The following NFE2L3 variants were observed in gnomAD, a reference collection of about 807,000 sequenced individuals.
NFE2L3 encodes nuclear factor erythroid 2-related factor 3.
Under a neutral mutation model 23.5 loss-of-function variants are expected in NFE2L3, and 18 were observed. That is an observed-to-expected ratio of 0.77 (90% CI 0.53 to 1.13). The LOEUF is 1.13. Among genes scored for constraint, NFE2L3 ranks in the 50% most tolerant of loss-of-function variants. NFE2L3 has a pLI of 0.00. For synonymous variants in NFE2L3, 424 were observed against 354.5 expected (o/e 1.20, Z -2.20); for missense variants, 1,152 against 877.2 (o/e 1.31, Z -3.96).
intron 1 of NFE2L3, among the ~76,000 whole-genome samples, chr7:26,175,221 G>A (rs914703969): frequency 4.0e-5 from 6 of 150,900 alleles, no homozygotes; most frequent in Admixed American, 6.6e-5. Context: ...ATAGCTGGGC[G>A]TGGTGGCAGG....
At chr7:26,179,158 G>T (rs1157316716) in intron 2 of NFE2L3, among the ~76,000 whole-genome samples, 1 of 143,064 alleles carries the variant, frequency 7.0e-6, no homozygotes, top group Non-Finnish European at 1.5e-5. Context: ...ATAAATTCTA[G>T]ATACTAATGA....
intron 2 of NFE2L3, among the ~76,000 whole-genome samples, chr7:26,179,924 C>T (rs1297851656): frequency 1.3e-5 from 2 of 152,062 alleles, no homozygotes; most frequent in Admixed American, 6.5e-5. Context: ...ACCCCTGGCC[C>T]CACAGCTGGG....
intron 2 of NFE2L3, among the ~76,000 whole-genome samples, chr7:26,182,299 G>T (rs1174982548): frequency 6.8e-6 from 1 of 147,946 alleles, no homozygotes; most frequent in African/African-American, 2.6e-5. Context: ...ATTTTTACCA[G>T]TTAACTCATC....
At chr7:26,159,949 C>CT (rs59484170) in intron 1 of NFE2L3, among the ~76,000 whole-genome samples, 7,607 of 118,420 alleles carry the variant, frequency 0.064, 621 homozygotes, top group African/African-American at 0.16. Context: ...AATCTTGTTG[C>CT]TTTTTTTTTT....
chr7:26,167,082 GA>G (rs1784261610), intron 1 of NFE2L3, among the ~76,000 whole-genome samples: 1 of 152,174 alleles, frequency 6.6e-6, no homozygotes, highest in Non-Finnish European at 1.5e-5. Flanking sequence ...AAGGAGAAAA[GA>G]AAAGGCCAGC....
chr7:26,173,000 A>T (rs1257559495), intron 1 of NFE2L3, among the ~76,000 whole-genome samples: 2 of 152,048 alleles, frequency 1.3e-5, no homozygotes, highest in Non-Finnish European at 2.9e-5. Context: ...TATATTTATT[A>T]TTTGTATTCT....
intron 2 of NFE2L3, among the ~76,000 whole-genome samples, chr7:26,179,496 T>C (rs1183527383): frequency 6.9e-6 from 1 of 144,844 alleles, no homozygotes; most frequent in Non-Finnish European, 1.5e-5. Context: ...TGAGACCCTG[T>C]CTCAAAAAAA....
chr7:26,175,955 A>C (rs1784398002), intron 1 of NFE2L3, among the ~76,000 whole-genome samples: 1 of 150,686 alleles, frequency 6.6e-6, no homozygotes, highest in Non-Finnish European at 1.5e-5. Context: ...GAAGGTCAGC[A>C]GATAAACACG....
At chr7:26,184,019 AACTAAAAG>A in intron 3 of NFE2L3, 1 of 512,384 alleles carries the variant, frequency 2.0e-6, no homozygotes, top group Non-Finnish European at 3.5e-6. Flanking sequence ...TTTCTCAAAA[AACTAAAAG>A]AATTATCAGG....
Position 26,184,990 on chromosome 7 carries a change from C to T in NFE2L3, c.1292C>T (p.Ser431Phe). ...LSLDSSHNNT[S>F]VIKSNSSHSV... is the part of the protein sequence containing the mutation. ...TTAGATTCAAGTCACAATAATACCT[C>T]TGTCATCAAGTCTAATTCCTCTCAC... The change falls in exon 4 of 4, where the codon TCT becomes TTT. Residue 431 changes from serine to phenylalanine, a missense_variant. Physicochemically the swap from Ser to Phe is radical, Grantham distance 155. Transcript: ENST00000056233. 1 of 1,613,844 alleles carries T rather than the reference C, an allele frequency of 6.2e-7. No homozygotes were observed. Among genetic ancestry groups the T allele is most frequent in the Non-Finnish European group, 8.5e-7 (1 of 1,179,822 alleles).
chr7:26,179,523 C>T (rs1784470038), intron 2 of NFE2L3, among the ~76,000 whole-genome samples: 1 of 146,596 alleles, frequency 6.8e-6, no homozygotes, highest in South Asian at 2.2e-4. Flanking sequence ...AAAAGTATAA[C>T]CCAATGTAAT....
Position 26,186,556 on chromosome 7 carries a change from T to G in NFE2L3, c.*773T>G, listed in dbSNP as rs1782492803. ...TCACTGGTAGTTTGAGCCACAGGCC[T>G]TCCTCATGTAACCAGAGACAGAATG... On this transcript the variant is annotated 3_prime_UTR_variant, in exon 4 of 4. Coordinates refer to ENST00000056233, the MANE Select transcript of NFE2L3 (RefSeq NM_004289.7). 1 of 152,204 alleles carries G rather than the reference T, an allele frequency of 6.6e-6. No homozygotes were observed. Among genetic ancestry groups the G allele is most frequent in the African/African-American group, 2.4e-5 (1 of 41,442 alleles). The allele number at this position is 152,204 out of a possible 1,614,324, so 9.4% of individuals were successfully genotyped here. A position where few individuals can be genotyped will look rare whatever the true frequency, so the allele number is the denominator to read the frequency against.
Position 26,185,281 on chromosome 7 carries a change from T to C in NFE2L3, c.1583T>C (p.Leu528Pro), listed in dbSNP as rs2128100836. ...TCACAGAAGATAAGGAGTAGATACC[T>C]TGAAGACACAGATAGAAACTTGAGC... ...GKSQKIRSRY[L>P]EDTDRNLSRD... Residue 528 changes from leucine (L) to proline (P), a missense_variant, in exon 4 of 4, where the codon CTT becomes CCT. Physicochemically the swap from Leu to Pro is moderately conservative, Grantham distance 98. Coordinates refer to ENST00000056233, the MANE Select transcript of NFE2L3 (RefSeq NM_004289.7). 1 of 1,614,162 alleles carries C rather than the reference T, an allele frequency of 6.2e-7. No individual in the cohort carries two copies. The highest frequency in any genetic ancestry group is 1.1e-5 in the South Asian group (1 of 91,084).
chr7:26,160,999 A>T (rs980655949), intron 1 of NFE2L3, among the ~76,000 whole-genome samples: 1 of 152,210 alleles, frequency 6.6e-6, no homozygotes, highest in Non-Finnish European at 1.5e-5. Flanking sequence ...TCGTCAACAG[A>T]TGATTCGCTT....
At chr7:26,182,685 C>A (rs1280774415) in intron 2 of NFE2L3, among the ~76,000 whole-genome samples, 1 of 152,064 alleles carries the variant, frequency 6.6e-6, no homozygotes, top group Admixed American at 6.5e-5. Flanking sequence ...AAAAAGAACT[C>A]TGAAGAGTTC....
chr7:26,159,298 T>G (rs1250869095), intron 1 of NFE2L3, among the ~76,000 whole-genome samples: 1 of 152,188 alleles, frequency 6.6e-6, no homozygotes, highest in Non-Finnish European at 1.5e-5. Flanking sequence ...ATGCCTTCCT[T>G]TCATTCCTCT....
intron 2 of NFE2L3, among the ~76,000 whole-genome samples, chr7:26,182,658 C>CAAGCG: frequency 1.3e-5 from 2 of 152,262 alleles, no homozygotes; most frequent in African/African-American, 4.8e-5. Context: ...ACTGGGTTTA[C>CAAGCG]TGCTCAGGTC....
In NFE2L3 at chr7:26,184,764, C is replaced by T. The variant is rs1782436179; in HGVS notation, c.1066C>T (p.Leu356Phe). ...TCATACCACCAATCCTGAGCAAACCCTTCCTGGAACTAATTTGACAGGATT... is the reference window on the plus strand; with the variant it reads ...TCATACCACCAATCCTGAGCAAACCTTTCCTGGAACTAATTTGACAGGATT... ...NSHTTNPEQT[L>F]PGTNLTGFLS... is the part of the protein sequence containing the mutation. The change falls in exon 4 of 4, where the codon CTT becomes TTT. Residue 356 changes from leucine to phenylalanine, a missense_variant. Leu to Phe is a conservative substitution (Grantham distance 22, BLOSUM62 0). Coordinates refer to ENST00000056233, the MANE Select transcript of NFE2L3 (RefSeq NM_004289.7). 1.2e-6 allele frequency: 2 copies of T among 1,613,812 alleles called. No individual in the cohort carries two copies. Among genetic ancestry groups the T allele is most frequent in the South Asian group, 2.2e-5 (2 of 91,080 alleles).
chr7:26,186,312 A>ACAGAATT lies in NFE2L3; in HGVS notation c.*535_*536insTCAGAAT, dbSNP rs1377886287. 1 of 152,226 alleles carries ACAGAATT rather than the reference A, an allele frequency of 6.6e-6. No homozygotes were observed. Among genetic ancestry groups the ACAGAATT allele is most frequent in the Non-Finnish European group, 1.5e-5 (1 of 68,062 alleles). 9.4% of individuals were successfully genotyped at this position (152,226 alleles called of 1,614,324 possible). On this transcript the variant is annotated 3_prime_UTR_variant, in exon 4 of 4. Coordinates refer to ENST00000056233, the MANE Select transcript of NFE2L3 (RefSeq NM_004289.7). ...TTAAAAATTAACTTTTCCCTTTTAT[A>ACAGAATT]CAGAATCTGAACCAAATTTACCTTA... is the stretch of plus-strand genomic sequence containing the variant.
Sources: gnomAD v4.1 joint callset for allele counts (sites outside exome capture counted in the v4.1 genomes callset) on GRCh38, gnomAD v4.1.1 for gene constraint, MANE v1.5 for transcripts, NCBI Gene and HGNC (gene_info 2026-07-23, HGNC 2026-07-21) for gene names.